The following GPD1L variants were observed in gnomAD, a reference collection of about 807,000 sequenced individuals.
GPD1L encodes the protein glycerol-3-phosphate dehydrogenase 1-like protein.
A neutral mutation model predicts 32.9 loss-of-function variants in GPD1L; 17 were observed. The observed-to-expected ratio is 0.52, with a 90% CI of 0.35 to 0.78. The LOEUF (loss-of-function observed/expected upper bound fraction) is 0.78, where lower values mean the gene tolerates loss of function less well. Among genes scored for constraint, GPD1L ranks in the 30% least tolerant of loss-of-function variants. The pLI, the probability that GPD1L is intolerant of heterozygous loss-of-function variation, is 0.01. For synonymous variants in GPD1L, 187 were observed against 165.9 expected (o/e 1.13, Z -0.98); for missense variants, 361 against 447.8 (o/e 0.81, Z 1.75).
chr3:32,148,975 A>C (rs1171738851), intron 5 of GPD1L, among the ~76,000 whole-genome samples: 1 of 152,186 alleles, frequency 6.6e-6, no homozygotes, highest in Non-Finnish European at 1.5e-5. Flanking sequence ...TACCCTTCCA[A>C]TGTTTTTAGT....
intron 1 of GPD1L, among the ~76,000 whole-genome samples, chr3:32,123,056 G>A (rs60069377): frequency 0.13 from 19,997 of 151,750 alleles, 1,785 homozygotes; most frequent in East Asian, 0.26. Context: ...AGGTGCAGCC[G>A]CCATGCCCAG....
At chr3:32,125,116 A>G (rs1001481140) in intron 1 of GPD1L, among the ~76,000 whole-genome samples, 1 of 152,102 alleles carries the variant, frequency 6.6e-6, no homozygotes, top group East Asian at 1.9e-4. Context: ...CCATATGTGA[A>G]TTTAATTCCA....
chr3:32,117,321 C>G (rs1215640954), intron 1 of GPD1L, among the ~76,000 whole-genome samples: 1 of 152,150 alleles, frequency 6.6e-6, no homozygotes, highest in East Asian at 1.9e-4. Context: ...ATAATTTAGT[C>G]ATGATTTCTT....
chr3:32,123,851 TAAGAC>T (rs1559571624), intron 1 of GPD1L, among the ~76,000 whole-genome samples: 2 of 122,856 alleles, frequency 1.6e-5, no homozygotes, highest in Non-Finnish European at 1.9e-5. Flanking sequence ...GACAGACAGA[TAAGAC>T]CCATGCCTGA....
chr3:32,161,930 T>A (rs1701078772), intron 7 of GPD1L, among the ~76,000 whole-genome samples: 2 of 152,198 alleles, frequency 1.3e-5, no homozygotes, highest in South Asian at 4.1e-4. Context: ...AGAGGCCTAT[T>A]GTGCTCCCTT....
rs1700945937 is a variant in GPD1L, at chr3:32,153,356, C to T, written c.619-5520C>T. Among the ~76,000 whole-genome samples the T allele has an allele frequency of 3.9e-5, 6 of 152,346 alleles. No individual in the cohort carries two copies. In the South Asian group the frequency reaches 1.2e-3, roughly 32 times the overall value. On this transcript the variant is annotated intron_variant, in intron 5 of 7. Transcript: ENST00000282541. ...TAAAATTCTTAAAAACTAAAAATTCCATTTCGGAGTCACAGTAACTACATT... is the reference window on the plus strand; with the variant it reads ...TAAAATTCTTAAAAACTAAAAATTCTATTTCGGAGTCACAGTAACTACATT...
intron 7 of GPD1L, among the ~76,000 whole-genome samples, chr3:32,165,564 C>T (rs1038202779): frequency 1.3e-5 from 2 of 152,172 alleles, no homozygotes; most frequent in East Asian, 1.9e-4. Context: ...GTAGGATCAC[C>T]GTGTGACTTG....
chr3:32,112,686 G>A (rs752854867), intron 1 of GPD1L, among the ~76,000 whole-genome samples: 10 of 152,020 alleles, frequency 6.6e-5, no homozygotes, highest in Non-Finnish European at 1.0e-4. Flanking sequence ...GGAATGAGTC[G>A]AGAGCTCCCA....
chr3:32,130,679 A>G (rs1700575537), intron 2 of GPD1L, among the ~76,000 whole-genome samples: 1 of 152,042 alleles, frequency 6.6e-6, no homozygotes, highest in Admixed American at 6.5e-5. Flanking sequence ...AATGCTCATT[A>G]TTTTCTGAAG....
chr3:32,131,019 A>C (rs1377296294), intron 2 of GPD1L, among the ~76,000 whole-genome samples: 4 of 151,862 alleles, frequency 2.6e-5, no homozygotes, highest in Non-Finnish European at 4.4e-5. Context: ...CATCTAAAAA[A>C]AAAATAGAAT....
intron 1 of GPD1L, among the ~76,000 whole-genome samples, chr3:32,121,785 T>A (rs1372699219): frequency 6.9e-6 from 1 of 144,980 alleles, no homozygotes; most frequent in Non-Finnish European, 1.5e-5. Flanking sequence ...ATATATATTT[T>A]TTTTAGGCAG....
chr3:32,133,839 G>A (rs1323887799), intron 2 of GPD1L, among the ~76,000 whole-genome samples: 1 of 152,188 alleles, frequency 6.6e-6, no homozygotes, highest in East Asian at 1.9e-4. Context: ...GTGGATCCAG[G>A]AAGTACGAAA....
intron 1 of GPD1L, among the ~76,000 whole-genome samples, chr3:32,119,297 A>G (rs1700374884): frequency 6.6e-6 from 1 of 152,184 alleles, no homozygotes; most frequent in Non-Finnish European, 1.5e-5. Flanking sequence ...TGTGTTTTTG[A>G]TAGTAGCCAT....
At chr3:32,140,421 G>A in intron 4 of GPD1L, 55 bp downstream of exon 4, 1 of 1,573,258 alleles carries the variant, frequency 6.4e-7, no homozygotes, top group Non-Finnish European at 8.7e-7. Flanking sequence ...GTTTGAACAT[G>A]TACATATTCC....
At chr3:32,136,766 G>GTT (rs200446331) in intron 2 of GPD1L, among the ~76,000 whole-genome samples, 3 of 150,926 alleles carry the variant, frequency 2.0e-5, no homozygotes, top group Admixed American at 2.0e-4. Context: ...CATGTTTTTT[G>GTT]TTTTTTTTTC....
chr3:32,146,054 G>A (rs1700815762), intron 4 of GPD1L, among the ~76,000 whole-genome samples: 1 of 145,182 alleles, frequency 6.9e-6, no homozygotes, highest in South Asian at 2.2e-4. Flanking sequence ...TCTTGGTGTA[G>A]TTTTACTTGT....
chr3:32,138,626 G>GAC lies in GPD1L; in HGVS notation c.266_267dup (p.Leu90ThrfsTer36). ...TCTTAGCGAGGCTGTGCAGGATGCA[G>GAC]ACCTGCTGGTGTTTGTCATTCCCCA... On this transcript the variant is annotated frameshift_variant, in exon 3 of 8. Coordinates refer to ENST00000282541, the MANE Select transcript of GPD1L (RefSeq NM_015141.4). LOFTEE classifies it high-confidence loss of function. 1 of 1,613,866 alleles carries GAC rather than the reference G, an allele frequency of 6.2e-7. No homozygotes were observed. Among genetic ancestry groups the GAC allele is most frequent in the Non-Finnish European group, 8.5e-7 (1 of 1,179,766 alleles).
chr3:32,152,525 G>A (rs1700932775), intron 5 of GPD1L, among the ~76,000 whole-genome samples: 1 of 152,140 alleles, frequency 6.6e-6, no homozygotes, highest in Admixed American at 6.5e-5. Context: ...CGGAGGGGAG[G>A]AGCGCTGACC....
intron 2 of GPD1L, among the ~76,000 whole-genome samples, chr3:32,133,733 T>C (rs1700619434): frequency 6.6e-6 from 1 of 152,286 alleles, no homozygotes; most frequent in Admixed American, 6.5e-5. Flanking sequence ...TCTGTGATGA[T>C]GAAAGTGAGG....
Sources: gnomAD v4.1 joint callset for allele counts (sites outside exome capture counted in the v4.1 genomes callset) on GRCh38, gnomAD v4.1.1 for gene constraint, MANE v1.5 for transcripts, NCBI Gene and HGNC (gene_info 2026-07-23, HGNC 2026-07-21) for gene names.